PACSIN1: variants seen among roughly 807,000 people sequenced by gnomAD.
PACSIN1 encodes the protein protein kinase C and casein kinase substrate in neurons protein 1.
Under a neutral mutation model 59.5 loss-of-function variants are expected in PACSIN1, and 15 were observed. The ratio of observed to expected loss-of-function variants is 0.25; its 90% CI spans 0.17 to 0.39. PACSIN1 has a LOEUF of 0.39. Ranked by LOEUF, PACSIN1 falls within the 10% of genes least tolerant of loss-of-function variation. The pLI is 1.00. For missense variants in PACSIN1, 420 were observed against 580.2 expected, an observed-to-expected ratio of 0.72 and a Z score of 2.84; for synonymous variants, 210 against 220.6, an observed-to-expected ratio of 0.95 and a Z score of 0.42.
chr6:34,491,248 T>C (rs1321226776), intron 1 of PACSIN1, among the ~76,000 whole-genome samples: 1 of 152,178 alleles, frequency 6.6e-6, no homozygotes, highest in African/African-American at 2.4e-5. Context: ...CACTCAGCCT[T>C]GCGTTGTCTT....
intron 1 of PACSIN1, among the ~76,000 whole-genome samples, chr6:34,491,885 T>G (rs1236762425): frequency 6.6e-6 from 1 of 152,158 alleles, no homozygotes; most frequent in African/African-American, 2.4e-5. Flanking sequence ...GTGCTGGGAT[T>G]ACAGATGTGA....
chr6:34,504,737 C>T (rs1767083389), intron 1 of PACSIN1, among the ~76,000 whole-genome samples: 1 of 152,108 alleles, frequency 6.6e-6, no homozygotes, highest in Admixed American at 6.5e-5. Context: ...TTGTATCTTT[C>T]CTTTCGGTTT....
chr6:34,524,806 A>G (rs1217207577), intron 1 of PACSIN1, among the ~76,000 whole-genome samples: 3 of 152,192 alleles, frequency 2.0e-5, no homozygotes, highest in Non-Finnish European at 2.9e-5. Flanking sequence ...GTATTAAGTT[A>G]CTTTCCCATC....
In PACSIN1 at chr6:34,504,864, A is replaced by G. The variant is rs76749290; in HGVS notation, c.-63-21379A>G. Among the ~76,000 whole-genome samples the G allele has an allele frequency of 6.0e-3, 916 of 152,242 alleles. 10 individuals carry two copies. Among genetic ancestry groups the G allele is most frequent in the African/African-American group, 0.017 (694 of 41,540 alleles). ...TTCTTGAAGGATATTTTCTCTGGAT[A>G]TATGGTTCTGGGCTGGCAGTTCTTT... On this transcript the variant is annotated intron_variant, in intron 1 of 9. Coordinates refer to ENST00000244458, the MANE Select transcript of PACSIN1 (RefSeq NM_020804.5).
chr6:34,487,729 C>A (rs1331964873), intron 1 of PACSIN1, among the ~76,000 whole-genome samples: 1 of 152,178 alleles, frequency 6.6e-6, no homozygotes, highest in Admixed American at 6.5e-5. Context: ...CGCAGGCTGT[C>A]TCTGGGGAGG....
At chr6:34,523,511 G>GA (rs1299264719) in intron 1 of PACSIN1, among the ~76,000 whole-genome samples, 8 of 152,350 alleles carry the variant, frequency 5.3e-5, no homozygotes, top group African/African-American at 1.7e-4. Flanking sequence ...GTCATTTATT[G>GA]AGACACTAAA....
rs1453758563 is a variant in PACSIN1, at chr6:34,526,463, A to G, written c.63+95A>G. On this transcript the variant is annotated intron_variant, in intron 2 of 9. Coordinates refer to ENST00000244458, the MANE Select transcript of PACSIN1 (RefSeq NM_020804.5). ...CACTCACCCCATGACCTCAGGCCCCACTCCGCAGTCCCCCAGGCCCCTCCA... is the reference window on the plus strand; with the variant it reads ...CACTCACCCCATGACCTCAGGCCCCGCTCCGCAGTCCCCCAGGCCCCTCCA... 2.4e-5 allele frequency: 24 copies of G among 1,000,802 alleles called. No homozygotes were observed. In the Admixed American group the frequency reaches 4.9e-4, roughly 20 times the overall value. 62.0% of individuals were successfully genotyped at this position (1,000,802 alleles called of 1,614,324 possible).
chr6:34,473,177 C>T (rs966131529), intron 1 of PACSIN1, among the ~76,000 whole-genome samples: 28 of 135,874 alleles, frequency 2.1e-4, no homozygotes, highest in African/African-American at 7.9e-4. Flanking sequence ...TTGTCTTCTG[C>T]AGAAGGCAGA....
At position 34,514,717 on chromosome 6, in the gene PACSIN1, G is replaced by T. The variant is rs959983058; in HGVS notation, c.-63-11526G>T. 6.6e-6 allele frequency among the ~76,000 whole-genome samples: 1 copy of T among 152,200 alleles called. No homozygotes were observed. Among genetic ancestry groups the T allele is most frequent in the African/African-American group, 2.4e-5 (1 of 41,458 alleles). On this transcript the variant is annotated intron_variant, in intron 1 of 9. Transcript: ENST00000244458. The surrounding 1 kb of genome is among the most constrained non-coding windows in gnomAD (Gnocchi z 4.4). Reference sequence around the variant, plus strand: ...GTTGATGCGGCGCCGTGCGGGAGGCGGGCATCCCCTGCTGTACATGGGAGG... The same window carrying T: ...GTTGATGCGGCGCCGTGCGGGAGGCTGGCATCCCCTGCTGTACATGGGAGG...
At chr6:34,528,915 G>GGGGGGGGCCCGGGGGGGGGGGGGGGGGGC in intron 4 of PACSIN1, 38 bp downstream of exon 4, 2 of 653,172 alleles carry the variant, frequency 3.1e-6, no homozygotes, top group East Asian at 4.3e-5. Flanking sequence ...GGTGGGGTGG[G>GGGGGGGGCCCGGGGGGGGGGGGGGGGGGC]CCCGTCTGAT....
intron 1 of PACSIN1, among the ~76,000 whole-genome samples, chr6:34,494,777 C>T (rs1766924496): frequency 6.6e-6 from 1 of 152,216 alleles, no homozygotes; most frequent in Non-Finnish European, 1.5e-5. Context: ...CATGCCAGTG[C>T]TGCTGGTCCT....
chr6:34,517,407 C>T (rs987853217), intron 1 of PACSIN1, among the ~76,000 whole-genome samples: 2 of 152,182 alleles, frequency 1.3e-5, no homozygotes, highest in Non-Finnish European at 2.9e-5. Flanking sequence ...CATCCCACCT[C>T]TTCCCAAACC....
chr6:34,533,179 GT>G lies in PACSIN1; in HGVS notation c.*650del, dbSNP rs1012992370. On this transcript the variant is annotated 3_prime_UTR_variant, in exon 10 of 10. Coordinates refer to ENST00000244458, the MANE Select transcript of PACSIN1 (RefSeq NM_020804.5). Reference sequence around the variant, plus strand: ...GGGGTGAGCTGGAGGAAGTCATGGTGTCACTGGGGTACAGGAGGGTGAATGA... The same window carrying G: ...GGGGTGAGCTGGAGGAAGTCATGGTGCACTGGGGTACAGGAGGGTGAATGA... The G allele has an allele frequency of 2.6e-5, 4 of 152,402 alleles. No homozygotes were observed. Among genetic ancestry groups the G allele is most frequent in the African/African-American group, 9.6e-5 (4 of 41,464 alleles). The allele number at this position is 152,402 out of a possible 1,614,324, so 9.4% of individuals were successfully genotyped here. A position where few individuals can be genotyped will look rare whatever the true frequency, so the allele number is the denominator to read the frequency against.
intron 3 of PACSIN1, chr6:34,527,724 C>T: frequency 2.8e-6 from 1 of 358,306 alleles, no homozygotes; most frequent in Non-Finnish European, 5.0e-6. Flanking sequence ...ATAATTCAAA[C>T]TTTGTGAAAG....
At chr6:34,508,737 C>T (rs1291204030) in intron 1 of PACSIN1, among the ~76,000 whole-genome samples, 4 of 152,138 alleles carry the variant, frequency 2.6e-5, no homozygotes, top group East Asian at 1.9e-4. Flanking sequence ...GAGGTGATAT[C>T]TCATTGTGGT....
chr6:34,529,319 G>A lies in PACSIN1; in HGVS notation c.457-78G>A. The A allele has an allele frequency of 6.6e-7, 1 of 1,508,224 alleles. No homozygotes were observed. The highest frequency in any genetic ancestry group is 1.2e-5 in the South Asian group (1 of 83,646). 93.4% of individuals were successfully genotyped at this position (1,508,224 alleles called of 1,614,324 possible). On this transcript the variant is annotated intron_variant, in intron 4 of 9. Transcript: ENST00000244458. The surrounding 1 kb of genome is among the most constrained non-coding windows in gnomAD (Gnocchi z 6.3). ...GCTCACAGGTCCCAGGGAGTGGGCA[G>A]GGGAGGAGTTAATGGGTGACCATGT...
Position 34,528,915 on chromosome 6 carries a change from G to GCCCCGGGGGGGGGGGGGGGGGC in PACSIN1, c.456+41_456+42insCGGGGGGGGGGGGGGGGGCCCC. The GCCCCGGGGGGGGGGGGGGGGGC allele has an allele frequency of 9.2e-6, 6 of 653,166 alleles. No individual in the cohort carries two copies. The East Asian group carries it at 1.3e-4, about 14-fold the overall frequency. 40.5% of individuals were successfully genotyped at this position (653,166 alleles called of 1,614,324 possible). Reference sequence around the variant, plus strand: ...TGCTGCCACGGGCGGGGTGGGGTGGGCCCGTCTGATCAGAGGGTGCTGATC... The same window carrying GCCCCGGGGGGGGGGGGGGGGGC: ...TGCTGCCACGGGCGGGGTGGGGTGGGCCCCGGGGGGGGGGGGGGGGGCCCCGTCTGATCAGAGGGTGCTGATC... On this transcript the variant is annotated intron_variant, in intron 4 of 9. Coordinates refer to ENST00000244458, the MANE Select transcript of PACSIN1 (RefSeq NM_020804.5).
At chr6:34,493,934 G>A (rs1766912687) in intron 1 of PACSIN1, among the ~76,000 whole-genome samples, 1 of 152,198 alleles carries the variant, frequency 6.6e-6, no homozygotes, top group African/African-American at 2.4e-5. Context: ...GCCCTGTCCA[G>A]CATTTCATGG....
intron 1 of PACSIN1, among the ~76,000 whole-genome samples, chr6:34,492,030 A>G (rs956087451): frequency 2.6e-5 from 4 of 152,144 alleles, no homozygotes; most frequent in African/African-American, 9.7e-5. Context: ...CTCCGGGTAT[A>G]TACCCCAGTA....
Sources: gnomAD v4.1 joint callset for allele counts (sites outside exome capture counted in the v4.1 genomes callset) on GRCh38, gnomAD v4.1.1 for gene constraint, Gnocchi (gnomAD v3.1) non-coding constraint, MANE v1.5 for transcripts, NCBI Gene and HGNC (gene_info 2026-07-23, HGNC 2026-07-21) for gene names.